Variants in CNTN1 observed in about 807,000 individuals in gnomAD.
The protein encoded by CNTN1 is contactin 1.
CNTN1 carries 38 observed loss-of-function variants against 126.4 expected under a neutral mutation model. That is an observed-to-expected ratio of 0.30 (90% CI 0.23 to 0.39). CNTN1 has a LOEUF of 0.39. Ranked by LOEUF, CNTN1 falls within the 10% of genes least tolerant of loss-of-function variation. CNTN1 has a pLI of 1.00. For synonymous variants in CNTN1, 413 were observed against 422.6 expected, an observed-to-expected ratio of 0.98 and a Z score of 0.28; for missense variants, 1,009 against 1,248.4, an observed-to-expected ratio of 0.81 and a Z score of 2.89.
chr12:40,971,610 C>T lies in CNTN1; in HGVS notation c.1805-9299C>T, dbSNP rs1947515081. ...ATCTTGTAGCTTCTGCAGTTCTCCC[C>T]ACCCCCAACCTAGTTCTTAGAGTAT... On this transcript the variant is annotated intron_variant, in intron 15 of 23. Coordinates refer to ENST00000551295, the MANE Select transcript of CNTN1 (RefSeq NM_001843.4). The T allele has an allele frequency of 1.1e-5, 16 of 1,515,662 alleles. No individual in the cohort carries two copies. The South Asian group carries it at 2.0e-4, about 19-fold the overall frequency. 93.9% of individuals were successfully genotyped at this position (1,515,662 alleles called of 1,614,324 possible).
chr12:40,908,506 C>T lies in CNTN1; in HGVS notation c.61+13C>T. 6.5e-7 allele frequency: 1 copy of T among 1,543,940 alleles called. No individual in the cohort carries two copies. Among genetic ancestry groups the T allele is most frequent in the Non-Finnish European group, 8.9e-7 (1 of 1,118,670 alleles). ...ACCTGTTTAGCAGGTAAGAAATATCCTTTGTATATTCTACATATATTATGT... is the reference window on the plus strand; with the variant it reads ...ACCTGTTTAGCAGGTAAGAAATATCTTTTGTATATTCTACATATATTATGT... On this transcript the variant is annotated intron_variant, in intron 2 of 23. Coordinates refer to ENST00000551295, the MANE Select transcript of CNTN1 (RefSeq NM_001843.4).
intron 15 of CNTN1, among the ~76,000 whole-genome samples, chr12:40,974,961 T>C (rs542994733): frequency 1.3e-5 from 2 of 152,084 alleles, no homozygotes; most frequent in South Asian, 4.2e-4. Flanking sequence ...AGAACAATAG[T>C]GTAGACTTGT....
intron 15 of CNTN1, among the ~76,000 whole-genome samples, chr12:40,977,766 G>GTTTTT (rs201781273): frequency 0.15 from 270 of 1,804 alleles, 2 homozygotes; most frequent in Admixed American, 0.27. Context: ...ACAATCATCT[G>GTTTTT]TTTTGTTTTG....
At chr12:40,759,685 T>G (rs1349918138) in intron 1 of CNTN1, among the ~76,000 whole-genome samples, 1 of 151,750 alleles carries the variant, frequency 6.6e-6, no homozygotes, top group Non-Finnish European at 1.5e-5. Context: ...CCCAGGCTGG[T>G]CTTGAACTCC....
Position 40,936,799 on chromosome 12 carries a change from A to C in CNTN1, c.1004A>C (p.Glu335Ala). Residue 335 changes from glutamate to alanine, a missense_variant, in exon 10 of 24, where the codon GAA (glutamate) becomes GCA (alanine). Glu to Ala is a moderately radical substitution (Grantham distance 107). Coordinates refer to ENST00000551295, the MANE Select transcript of CNTN1 (RefSeq NM_001843.4). ...IYVQAFPEWV[E>A]HINDTEVDIG... ...TTTTTAGCATTCCCTGAGTGGGTAG[A>C]ACACATCAATGACACAGAGGTGGAC... is the stretch of plus-strand genomic sequence containing the variant. 6.2e-7 allele frequency: 1 copy of C among 1,613,300 alleles called. No homozygotes were observed. The highest frequency in any genetic ancestry group is 1.1e-5 in the South Asian group (1 of 91,074).
chr12:40,871,201 A>C (rs1290821602), intron 1 of CNTN1, among the ~76,000 whole-genome samples: 14 of 42,868 alleles, frequency 3.3e-4, no homozygotes, highest in Admixed American at 2.4e-3. Context: ...AAAAAAAAAA[A>C]AAAAAAAAAA....
intron 1 of CNTN1, among the ~76,000 whole-genome samples, chr12:40,875,851 A>T (rs1429852441): frequency 6.6e-6 from 1 of 152,026 alleles, no homozygotes; most frequent in African/African-American, 2.4e-5. Flanking sequence ...GTTTGAATGT[A>T]TGTTTGCATT....
chr12:40,953,090 T>C (rs1211289583), intron 14 of CNTN1, among the ~76,000 whole-genome samples: 1 of 152,156 alleles, frequency 6.6e-6, no homozygotes, highest in Non-Finnish European at 1.5e-5. Context: ...CTCATTTACA[T>C]TGCAGAAATG....
intron 4 of CNTN1, among the ~76,000 whole-genome samples, chr12:40,921,795 CTGTCAATTAGTT>C (rs1301132004): frequency 1.3e-5 from 2 of 152,140 alleles, no homozygotes; most frequent in Non-Finnish European, 2.9e-5. Context: ...GCAGAACCCA[CTGTCAATTAGTT>C]TGTTTTATTG....
At chr12:40,772,728 A>G (rs1939391174) in intron 1 of CNTN1, among the ~76,000 whole-genome samples, 1 of 151,942 alleles carries the variant, frequency 6.6e-6, no homozygotes, top group Non-Finnish European at 1.5e-5. Flanking sequence ...GCTGTGACAT[A>G]AGAATGTTTC....
intron 1 of CNTN1, among the ~76,000 whole-genome samples, chr12:40,901,411 G>A (rs956423756): frequency 1.3e-5 from 2 of 152,162 alleles, no homozygotes; most frequent in African/African-American, 2.4e-5. Flanking sequence ...ACAGATTCCT[G>A]AGTAAATCGC....
At chr12:40,872,006 A>G (rs1173516398) in intron 1 of CNTN1, among the ~76,000 whole-genome samples, 1 of 152,146 alleles carries the variant, frequency 6.6e-6, no homozygotes, top group Non-Finnish European at 1.5e-5. Context: ...CTTTGAGAGG[A>G]AATGATAAAA....
At chr12:40,856,692 T>C (rs1942920642) in intron 1 of CNTN1, among the ~76,000 whole-genome samples, 1 of 152,132 alleles carries the variant, frequency 6.6e-6, no homozygotes. Context: ...CAGAGGAATG[T>C]ATGTGTAGTA....
chr12:40,948,787 T>C (rs1367866074), intron 14 of CNTN1, among the ~76,000 whole-genome samples: 1 of 152,224 alleles, frequency 6.6e-6, no homozygotes, highest in East Asian at 1.9e-4. Context: ...TAATGAACCT[T>C]GTATGCTCAC....
intron 15 of CNTN1, among the ~76,000 whole-genome samples, chr12:40,960,052 T>C (rs945592891): frequency 2.6e-5 from 4 of 152,076 alleles, no homozygotes; most frequent in Non-Finnish European, 5.9e-5. Context: ...GACCAAATCT[T>C]ATTCATCCTT....
intron 1 of CNTN1, among the ~76,000 whole-genome samples, chr12:40,899,468 A>G (rs1944530696): frequency 6.6e-6 from 1 of 152,204 alleles, no homozygotes; most frequent in African/African-American, 2.4e-5. Flanking sequence ...GACATAGAGG[A>G]TATTTATTCA....
At chr12:41,038,895 GA>G (rs942838803) in intron 23 of CNTN1, among the ~76,000 whole-genome samples, 24 of 151,596 alleles carry the variant, frequency 1.6e-4, no homozygotes, top group African/African-American at 1.2e-4. Context: ...GGAAATGCTT[GA>G]AAAAAAATGG....
intron 1 of CNTN1, among the ~76,000 whole-genome samples, chr12:40,769,494 T>A (rs952921087): frequency 2.0e-5 from 3 of 152,134 alleles, no homozygotes. Flanking sequence ...CATTATAGAT[T>A]TGGTGTTTAA....
intron 1 of CNTN1, among the ~76,000 whole-genome samples, chr12:40,730,953 A>G (rs1291607909): frequency 1.3e-5 from 2 of 152,146 alleles, no homozygotes; most frequent in Admixed American, 6.6e-5. Context: ...TTAAATGACT[A>G]TCAAAAAAGA....
Sources: gnomAD v4.1 joint callset for allele counts (sites outside exome capture counted in the v4.1 genomes callset) on GRCh38, gnomAD v4.1.1 for gene constraint, MANE v1.5 for transcripts, NCBI Gene and HGNC (gene_info 2026-07-23, HGNC 2026-07-21) for gene names.